The following PTPN2 variants were observed in gnomAD, a reference collection of about 807,000 sequenced individuals.
PTPN2 encodes tyrosine-protein phosphatase non-receptor type 2.
Under a neutral mutation model 57.3 loss-of-function variants are expected in PTPN2, and 19 were observed. The ratio of observed to expected loss-of-function variants is 0.33; its 90% CI spans 0.23 to 0.49. The LOEUF (loss-of-function observed/expected upper bound fraction) is 0.49. Among genes scored for constraint, PTPN2 ranks in the 20% least tolerant of loss-of-function variants. The pLI is 0.99. For synonymous variants in PTPN2, 153 were observed against 164.9 expected, an observed-to-expected ratio of 0.93 and a Z score of 0.55; for missense variants, 358 against 501.1, an observed-to-expected ratio of 0.71 and a Z score of 2.73.
intron 7 of PTPN2, among the ~76,000 whole-genome samples, chr18:12,812,049 G>A (rs1290709953): frequency 6.6e-6 from 1 of 152,072 alleles, no homozygotes; most frequent in African/African-American, 2.4e-5. Context: ...TTACCAGCTA[G>A]AGATCTTACA....
intron 4 of PTPN2, among the ~76,000 whole-genome samples, chr18:12,827,355 A>AAAT (rs1555668906): frequency 2.1e-4 from 30 of 143,438 alleles, no homozygotes; most frequent in African/African-American, 5.4e-4. Context: ...AAAAAAAAAA[A>AAAT]AATAATAATA....
intron 8 of PTPN2, among the ~76,000 whole-genome samples, chr18:12,796,172 C>T (rs2145226349): frequency 6.6e-6 from 1 of 152,286 alleles, no homozygotes; most frequent in Admixed American, 6.5e-5. Context: ...AGGCAGGGAA[C>T]AGTTCCAGAT....
intron 1 of PTPN2, among the ~76,000 whole-genome samples, chr18:12,875,186 C>A (rs946150377): frequency 1.3e-5 from 2 of 152,164 alleles, no homozygotes; most frequent in African/African-American, 2.4e-5. Flanking sequence ...GCCTCAGGGT[C>A]CTCTGCCTAG....
intron 1 of PTPN2, among the ~76,000 whole-genome samples, chr18:12,878,343 AAAAG>A (rs1425023068): frequency 1.3e-5 from 2 of 150,004 alleles, no homozygotes; most frequent in African/African-American, 2.5e-5. Context: ...AAAAGAAAAA[AAAAG>A]AAAGAAAAAG....
intron 1 of PTPN2, among the ~76,000 whole-genome samples, chr18:12,867,246 G>A (rs916207468): frequency 6.6e-6 from 1 of 151,890 alleles, no homozygotes; most frequent in Non-Finnish European, 1.5e-5. Context: ...TTGAGCCCAG[G>A]AGGTCAAGGC....
At chr18:12,813,193 T>C (rs758934936) in intron 7 of PTPN2, among the ~76,000 whole-genome samples, 63 of 152,180 alleles carry the variant, frequency 4.1e-4, no homozygotes, top group Admixed American at 1.9e-3. Flanking sequence ...CAGATTTAAG[T>C]TGGTGAAAGC....
At chr18:12,840,986 T>C in intron 2 of PTPN2, 1 of 1,435,384 alleles carries the variant, frequency 7.0e-7, no homozygotes, top group South Asian at 1.5e-5. Flanking sequence ...TACACAATTT[T>C]TAGTCAACAA....
At chr18:12,838,751 C>A (rs1194982292) in intron 2 of PTPN2, among the ~76,000 whole-genome samples, 1 of 141,424 alleles carries the variant, frequency 7.1e-6, no homozygotes, top group Non-Finnish European at 1.6e-5. Flanking sequence ...TGGGAAAACT[C>A]TATAGCTATT....
intron 5 of PTPN2, chr18:12,821,325 A>G (rs926336036): frequency 2.6e-5 from 4 of 152,220 alleles, no homozygotes; most frequent in Non-Finnish European, 4.4e-5. Flanking sequence ...TTTTAAAACA[A>G]CTATACTCAC....
chr18:12,884,161 C>G lies in PTPN2; in HGVS notation c.-20G>C, dbSNP rs2044780769. 6.4e-7 allele frequency: 1 copy of G among 1,569,422 alleles called. No homozygotes were observed. The highest frequency in any genetic ancestry group is 8.6e-7 in the Non-Finnish European group (1 of 1,159,736). Reference sequence around the variant, plus strand: ...GGGCATGGCTGCGGGAGCGAGCTGGCGCGAGCAGAGCCTGCGCCGGCGGAG... The same window carrying G: ...GGGCATGGCTGCGGGAGCGAGCTGGGGCGAGCAGAGCCTGCGCCGGCGGAG... On this transcript the variant is annotated 5_prime_UTR_variant, in exon 1 of 9. Coordinates refer to ENST00000309660, the MANE Select transcript of PTPN2 (RefSeq NM_002828.4).
intron 1 of PTPN2, among the ~76,000 whole-genome samples, chr18:12,878,504 T>A (rs2044566511): frequency 6.6e-6 from 1 of 151,806 alleles, no homozygotes; most frequent in Admixed American, 6.6e-5. Context: ...ACCCCGTTTC[T>A]ACTAAAAATA....
intron 7 of PTPN2, among the ~76,000 whole-genome samples, chr18:12,807,586 A>AAAAAAAAAAATAAATATATATAT: frequency 2.8e-5 from 1 of 35,194 alleles, no homozygotes; most frequent in African/African-American, 7.0e-5. Flanking sequence ...AAAAAAAAAA[A>AAAAAAAAAAATAAATATATATAT]ATATATATAT....
intron 7 of PTPN2, among the ~76,000 whole-genome samples, chr18:12,808,852 T>C (rs2041789647): frequency 6.6e-6 from 1 of 152,120 alleles, no homozygotes; most frequent in South Asian, 2.1e-4. Flanking sequence ...CACAAAAATT[T>C]TTAAAAAGAT....
intron 2 of PTPN2, among the ~76,000 whole-genome samples, chr18:12,842,801 G>A (rs773354477): frequency 6.6e-6 from 1 of 152,200 alleles, no homozygotes; most frequent in Non-Finnish European, 1.5e-5. Context: ...ACCTAGTAGA[G>A]TGTCATAACA....
intron 2 of PTPN2, among the ~76,000 whole-genome samples, chr18:12,843,500 C>A (rs972010246): frequency 3.9e-5 from 6 of 152,194 alleles, no homozygotes; most frequent in African/African-American, 1.4e-4. Context: ...CACTCCCCCA[C>A]TGCACGCTTC....
chr18:12,853,579 A>T (rs2043469546), intron 2 of PTPN2, among the ~76,000 whole-genome samples: 1 of 152,184 alleles, frequency 6.6e-6, no homozygotes, highest in Non-Finnish European at 1.5e-5. Context: ...GGATGAGAAT[A>T]CCACTCACGG....
chr18:12,825,722 G>A, intron 5 of PTPN2, 88 bp downstream of exon 5: 1 of 1,304,792 alleles, frequency 7.7e-7, no homozygotes. Context: ...CCAAATGCAT[G>A]TGCTTATCAA....
intron 5 of PTPN2, among the ~76,000 whole-genome samples, chr18:12,819,894 C>T (rs1052896018): frequency 1.3e-5 from 2 of 152,082 alleles, no homozygotes; most frequent in Admixed American, 1.3e-4. Flanking sequence ...GTTAATAACC[C>T]ACTTTGTTTC....
At chr18:12,795,350 G>A (rs1230893007) in intron 8 of PTPN2, among the ~76,000 whole-genome samples, 1 of 152,196 alleles carries the variant, frequency 6.6e-6, no homozygotes, top group Non-Finnish European at 1.5e-5. Context: ...CGGGAGTGCA[G>A]TGGCACGATC....
Sources: gnomAD v4.1 joint callset for allele counts (sites outside exome capture counted in the v4.1 genomes callset) on GRCh38, gnomAD v4.1.1 for gene constraint, MANE v1.5 for transcripts, NCBI Gene and HGNC (gene_info 2026-07-23, HGNC 2026-07-21) for gene names.